Variants in PDZRN3 observed in about 807,000 individuals in gnomAD.
PDZRN3 encodes the protein PDZ domain containing ring finger 3, also known as E3 ubiquitin-protein ligase PDZRN3.
A neutral mutation model predicts 85.7 loss-of-function variants in PDZRN3; 38 were observed. The ratio of observed to expected loss-of-function variants is 0.44; its 90% CI spans 0.34 to 0.58. PDZRN3 has a LOEUF of 0.58. Ranked by LOEUF, PDZRN3 falls within the 20% of genes least tolerant of loss-of-function variation. The pLI, the probability that PDZRN3 is intolerant of heterozygous loss-of-function variation, is 0.01. For synonymous variants in PDZRN3, 759 were observed against 638.0 expected (o/e 1.19, Z -2.86); for missense variants, 1,629 against 1,506.4 (o/e 1.08, Z -1.35).
At chr3:73,439,365 G>T (rs560413939) in intron 3 of PDZRN3, among the ~76,000 whole-genome samples, 6 of 152,292 alleles carry the variant, frequency 3.9e-5, no homozygotes, top group African/African-American at 1.4e-4. Context: ...AGACCTAAAA[G>T]AATCACTTTT....
rs71126867 is a variant in PDZRN3, at chr3:73,386,226, C to CTTTTTTTTTTTTTTTTTTTTTT, written c.1519-442_1519-441insAAAAAAAAAAAAAAAAAAAAAA. 6.6e-5 allele frequency among the ~76,000 whole-genome samples: 6 copies of CTTTTTTTTTTTTTTTTTTTTTT among 90,704 alleles called. 1 individual carries two copies. The highest frequency in any genetic ancestry group is 2.0e-4 in the African/African-American group (5 of 24,572). The allele number at this position is 90,704 out of a possible 152,430, so 59.5% of individuals were successfully genotyped here. On this transcript the variant is annotated intron_variant, in intron 8 of 9. Coordinates refer to ENST00000263666, the MANE Select transcript of PDZRN3 (RefSeq NM_015009.3). Reference sequence around the variant, plus strand: ...GCTGTTTGGCTTGGGCAAGATATCACTTTTTTTTTTTTTTTTTTTGAGACA... The same window carrying CTTTTTTTTTTTTTTTTTTTTTT: ...GCTGTTTGGCTTGGGCAAGATATCACTTTTTTTTTTTTTTTTTTTTTTTTTTTTTTTTTTTTTTTTTGAGACA...
intron 3 of PDZRN3, among the ~76,000 whole-genome samples, chr3:73,562,148 G>T (rs1031129642): frequency 4.6e-5 from 7 of 152,122 alleles, no homozygotes; most frequent in Non-Finnish European, 8.8e-5. Flanking sequence ...AGAGATGTAT[G>T]AACTGATATC....
intron 2 of PDZRN3, among the ~76,000 whole-genome samples, chr3:73,603,308 C>A (rs1702543590): frequency 6.6e-6 from 1 of 152,174 alleles, no homozygotes; most frequent in Non-Finnish European, 1.5e-5. Flanking sequence ...AATGTCAGAA[C>A]TAAAACTTTC....
intron 3 of PDZRN3, among the ~76,000 whole-genome samples, chr3:73,407,398 C>T (rs1165940842): frequency 1.3e-5 from 2 of 152,090 alleles, no homozygotes; most frequent in African/African-American, 4.8e-5. Context: ...AGTGAATTAA[C>T]CAAGTTTAGA....
At chr3:73,580,591 G>A (rs1180739439) in intron 3 of PDZRN3, among the ~76,000 whole-genome samples, 1 of 152,202 alleles carries the variant, frequency 6.6e-6, no homozygotes, top group African/African-American at 2.4e-5. Flanking sequence ...TCCTACAGAT[G>A]GGAACTTGAC....
chr3:73,496,436 A>G (rs1703868193), intron 3 of PDZRN3, among the ~76,000 whole-genome samples: 1 of 152,142 alleles, frequency 6.6e-6, no homozygotes, highest in South Asian at 2.1e-4. Context: ...ATTAATCAAC[A>G]TTTTGCCATT....
At chr3:73,398,335 G>T (rs1701681637) in intron 5 of PDZRN3, among the ~76,000 whole-genome samples, 1 of 152,194 alleles carries the variant, frequency 6.6e-6, no homozygotes, top group Non-Finnish European at 1.5e-5. Context: ...CCTCGCTGGT[G>T]TGACTCAAGA....
rs367581488 is a variant in PDZRN3 at position 73,491,592 on chromosome 3, C to CTTTTTTTTTTTTTTTTT, written c.919-87198_919-87197insAAAAAAAAAAAAAAAAA. ...AAAGAAAAACCTTGTGTGGAAGGTT[C>CTTTTTTTTTTTTTTTTT]CTTTTTTTTTTTTAAGAAGCAGGGT... On this transcript the variant is annotated intron_variant, in intron 3 of 9. Transcript: ENST00000263666. Among the ~76,000 whole-genome samples, 6 of 117,534 alleles carry CTTTTTTTTTTTTTTTTT rather than the reference C, an allele frequency of 5.1e-5. 2 individuals are homozygous for CTTTTTTTTTTTTTTTTT. The highest frequency in any genetic ancestry group is 7.3e-5 in the Non-Finnish European group (4 of 54,916). 77.1% of individuals were successfully genotyped at this position (117,534 alleles called of 152,430 possible). A position where few individuals can be genotyped will look rare whatever the true frequency, so the allele number is the denominator to read the frequency against.
intron 1 of PDZRN3, 111 bp downstream of exon 1, chr3:73,623,992 G>T: frequency 9.2e-7 from 1 of 1,083,612 alleles, no homozygotes; most frequent in Non-Finnish European, 1.2e-6. Flanking sequence ...GAGGGAGGAA[G>T]CAAGGATGTT....
At chr3:73,411,962 T>TATCA (rs1430094645) in intron 3 of PDZRN3, among the ~76,000 whole-genome samples, 8 of 152,222 alleles carry the variant, frequency 5.3e-5, no homozygotes, top group Admixed American at 5.2e-4. Flanking sequence ...GTACAGCTAC[T>TATCA]ATCACTGTTT....
chr3:73,552,034 C>T (rs1308603129), intron 3 of PDZRN3, among the ~76,000 whole-genome samples: 1 of 152,186 alleles, frequency 6.6e-6, no homozygotes, highest in Non-Finnish European at 1.5e-5. Flanking sequence ...CCCTTCACTG[C>T]CTTTCCTTCT....
At chr3:73,428,362 G>C (rs1422893458) in intron 3 of PDZRN3, among the ~76,000 whole-genome samples, 5 of 152,160 alleles carry the variant, frequency 3.3e-5, no homozygotes, top group Admixed American at 2.0e-4. Flanking sequence ...TCAACACCTA[G>C]TTCTCTTTCT....
chr3:73,425,403 T>C (rs1314247680), intron 3 of PDZRN3, among the ~76,000 whole-genome samples: 2 of 152,028 alleles, frequency 1.3e-5, no homozygotes, highest in Non-Finnish European at 2.9e-5. Context: ...GCATCCAAAG[T>C]CTAGGGGTAA....
chr3:73,469,367 G>A (rs527930678), intron 3 of PDZRN3, among the ~76,000 whole-genome samples: 7 of 152,236 alleles, frequency 4.6e-5, no homozygotes, highest in East Asian at 3.9e-4. Flanking sequence ...CACCACTCCC[G>A]GTCATGATTC....
intron 3 of PDZRN3, chr3:73,434,111 T>C (rs943876977): frequency 3.3e-5 from 8 of 242,826 alleles, no homozygotes; most frequent in Admixed American, 2.6e-4. Flanking sequence ...ACTATGACAG[T>C]TGAAATTTCT....
At chr3:73,388,131 A>ACC in intron 7 of PDZRN3, 62 bp from the exon 8 acceptor site, 1 of 786,098 alleles carries the variant, frequency 1.3e-6, no homozygotes, top group Non-Finnish European at 2.1e-6. Flanking sequence ...TAGATGGTGC[A>ACC]AAATCATTCT....
chr3:73,579,465 G>A (rs1702167564), intron 3 of PDZRN3, among the ~76,000 whole-genome samples: 1 of 152,152 alleles, frequency 6.6e-6, no homozygotes, highest in African/African-American at 2.4e-5. Flanking sequence ...TATTTAGCGT[G>A]TTAGATATGC....
chr3:73,391,902 G>C (rs1397652506), intron 5 of PDZRN3, among the ~76,000 whole-genome samples: 1 of 152,072 alleles, frequency 6.6e-6, no homozygotes. Flanking sequence ...TATTTGAAGG[G>C]CCACGTGATA....
chr3:73,572,704 A>C (rs1019243374), intron 3 of PDZRN3, among the ~76,000 whole-genome samples: 1 of 152,214 alleles, frequency 6.6e-6, no homozygotes, highest in Non-Finnish European at 1.5e-5. Context: ...AACAAATCAG[A>C]TACTCAGAGA....
Sources: allele counts gnomAD v4.1 joint callset (sites outside exome capture counted in the v4.1 genomes callset), GRCh38; gene constraint gnomAD v4.1.1; transcripts MANE v1.5; gene names NCBI Gene and HGNC (gene_info 2026-07-23, HGNC 2026-07-21).